CCDC169: variants seen among roughly 807,000 people sequenced by gnomAD.
CCDC169 encodes coiled-coil domain-containing protein 169.
A neutral mutation model predicts 36.0 loss-of-function variants in CCDC169; 30 were observed. The ratio of observed to expected loss-of-function variants is 0.83; its 90% CI spans 0.62 to 1.13. CCDC169 has a LOEUF of 1.13. Ranked by LOEUF, CCDC169 falls within the 50% of genes most tolerant of loss-of-function variation. CCDC169 has a pLI of 0.00. For synonymous variants in CCDC169, 85 were observed against 81.5 expected (o/e 1.04, Z -0.23); for missense variants, 245 against 245.9 (o/e 1.00, Z 0.03).
intron 7 of CCDC169, among the ~76,000 whole-genome samples, chr13:36,238,362 G>T (rs1306966845): frequency 1.3e-5 from 2 of 152,150 alleles, no homozygotes; most frequent in Non-Finnish European, 2.9e-5. Flanking sequence ...CAACTCCTGG[G>T]CTCAAGTGAT....
intron 4 of CCDC169, among the ~76,000 whole-genome samples, chr13:36,276,382 AG>A (rs1463830551): frequency 6.6e-6 from 1 of 152,236 alleles, no homozygotes; most frequent in East Asian, 1.9e-4. Context: ...AACATATTCA[AG>A]GATTTGGATT....
At chr13:36,276,125 T>C (rs1304563152) in intron 4 of CCDC169, among the ~76,000 whole-genome samples, 1 of 152,198 alleles carries the variant, frequency 6.6e-6, no homozygotes, top group Non-Finnish European at 1.5e-5. Flanking sequence ...CAGGCAAAGA[T>C]TAATATTTCA....
chr13:36,269,932 G>A (rs983756808), intron 4 of CCDC169, among the ~76,000 whole-genome samples: 3 of 140,228 alleles, frequency 2.1e-5, no homozygotes, highest in African/African-American at 7.6e-5. Context: ...CAGAGCATTC[G>A]GGCAAGAGAG....
chr13:36,232,804 C>T (rs1288480122), intron 7 of CCDC169, among the ~76,000 whole-genome samples: 2 of 152,014 alleles, frequency 1.3e-5, no homozygotes, highest in African/African-American at 4.8e-5. Flanking sequence ...GAGGCTGAGA[C>T]ATGAGAATCA....
chr13:36,261,595 G>T (rs1353372801), intron 4 of CCDC169, among the ~76,000 whole-genome samples: 1 of 152,162 alleles, frequency 6.6e-6, no homozygotes. Context: ...CTTTTCAGGT[G>T]GGACTGGCTG....
chr13:36,244,254 A>G (rs1872216523), intron 7 of CCDC169, among the ~76,000 whole-genome samples: 1 of 152,220 alleles, frequency 6.6e-6, no homozygotes, highest in Admixed American at 6.5e-5. Flanking sequence ...ACCTTTTCCC[A>G]AATGAAAAGA....
At chr13:36,287,900 C>T (rs1347846959) in intron 2 of CCDC169, among the ~76,000 whole-genome samples, 1 of 152,106 alleles carries the variant, frequency 6.6e-6, no homozygotes, top group African/African-American at 2.4e-5. Flanking sequence ...ACAGCTAAAT[C>T]TTCAGAGTCA....
intron 6 of CCDC169, among the ~76,000 whole-genome samples, chr13:36,251,607 G>A (rs1229225523): frequency 6.6e-6 from 1 of 151,734 alleles, no homozygotes; most frequent in Admixed American, 6.6e-5. Flanking sequence ...TAATAACTTG[G>A]GCTTATGATT....
In CCDC169 at chr13:36,295,840, G is replaced by C; in HGVS notation, c.101C>G (p.Ser34Ter). 1 of 1,538,616 alleles carries C rather than the reference G, an allele frequency of 6.5e-7. No individual in the cohort carries two copies. The highest frequency in any genetic ancestry group is 2.5e-5 in the East Asian group (1 of 40,548). Reference protein sequence around the residue: ...EVRKKDAVQLSIFELRHKITE... With the variant: ...EVRKKDAVQL ...AATCTTGTGTCTTAGTTCAAATATTGAGAGTTGCACTGCATCCCTGTTATT... is the reference window on the plus strand; with the variant it reads ...AATCTTGTGTCTTAGTTCAAATATTCAGAGTTGCACTGCATCCCTGTTATT... Residue 34 changes from serine to a stop codon, truncating the protein, a stop_gained, in exon 2 of 8, where the codon TCA (serine) becomes TGA (stop). Coordinates refer to ENST00000239859, the MANE Select transcript of CCDC169 (RefSeq NM_001144981.3). LOFTEE classifies it high-confidence loss of function.
intron 4 of CCDC169, among the ~76,000 whole-genome samples, chr13:36,279,776 T>A (rs1877275546): frequency 6.6e-6 from 1 of 152,214 alleles, no homozygotes; most frequent in Admixed American, 6.5e-5. Context: ...TGGCTCCCTT[T>A]ATACTACAGC....
intron 7 of CCDC169, among the ~76,000 whole-genome samples, chr13:36,243,668 C>T (rs1156649076): frequency 6.6e-6 from 1 of 151,874 alleles, no homozygotes; most frequent in African/African-American, 2.4e-5. Flanking sequence ...TAGCCAAGCA[C>T]AGTGGCATGT....
At chr13:36,285,909 A>G (rs953772151) in intron 2 of CCDC169, among the ~76,000 whole-genome samples, 11 of 152,324 alleles carry the variant, frequency 7.2e-5, no homozygotes, top group South Asian at 2.1e-4. Context: ...GAAATTGGAC[A>G]TGGTTATTTT....
At chr13:36,251,584 A>G (rs1235647276) in intron 6 of CCDC169, among the ~76,000 whole-genome samples, 1 of 152,206 alleles carries the variant, frequency 6.6e-6, no homozygotes, top group Non-Finnish European at 1.5e-5. Flanking sequence ...TGTTTTATAT[A>G]TCACCTTTTT....
intron 2 of CCDC169, among the ~76,000 whole-genome samples, chr13:36,288,767 A>G (rs1878538400): frequency 6.6e-6 from 1 of 152,148 alleles, no homozygotes; most frequent in East Asian, 1.9e-4. Flanking sequence ...AAAAGAAGGT[A>G]AAAAAGAATC....
At chr13:36,287,190 G>A (rs954072028) in intron 2 of CCDC169, among the ~76,000 whole-genome samples, 1 of 152,050 alleles carries the variant, frequency 6.6e-6, no homozygotes, top group African/African-American at 2.4e-5. Context: ...TTTTCTGCCT[G>A]CTTTAAATCT....
intron 4 of CCDC169, among the ~76,000 whole-genome samples, chr13:36,260,915 T>C (rs1874530071): frequency 6.6e-6 from 1 of 152,174 alleles, no homozygotes; most frequent in South Asian, 2.1e-4. Context: ...GTATCACATA[T>C]AGAAATGTAG....
At chr13:36,234,516 C>G (rs1043666452) in intron 7 of CCDC169, among the ~76,000 whole-genome samples, 1 of 151,984 alleles carries the variant, frequency 6.6e-6, no homozygotes, top group Non-Finnish European at 1.5e-5. Context: ...AGATGAATAT[C>G]CAGACACATC....
intron 6 of CCDC169, among the ~76,000 whole-genome samples, chr13:36,251,462 G>T (rs763066960): frequency 1.3e-5 from 2 of 152,090 alleles, no homozygotes; most frequent in African/African-American, 2.4e-5. Flanking sequence ...TGATCCTGCG[G>T]AGTCAGAGTA....
At chr13:36,281,557 T>G (rs1360260385) in intron 4 of CCDC169, among the ~76,000 whole-genome samples, 6 of 152,166 alleles carry the variant, frequency 3.9e-5, no homozygotes, top group Admixed American at 2.6e-4. Flanking sequence ...ACACTGAACT[T>G]TACATTTCAA....
Sources: gnomAD v4.1 joint callset for allele counts (sites outside exome capture counted in the v4.1 genomes callset) on GRCh38, gnomAD v4.1.1 for gene constraint, MANE v1.5 for transcripts, NCBI Gene and HGNC (gene_info 2026-07-23, HGNC 2026-07-21) for gene names.